F5: variants seen among roughly 807,000 people sequenced by gnomAD.
F5 encodes activated protein c cofactor.
A neutral mutation model predicts 216.4 loss-of-function variants in F5; 138 were observed. That is an observed-to-expected ratio of 0.64 (90% CI 0.56 to 0.73). The LOEUF is 0.73. Among genes scored for constraint, F5 ranks in the 30% least tolerant of loss-of-function variants. The probability of loss-of-function intolerance (pLI) is 0.00; values close to 1 mark genes in which losing one functional copy is unlikely to be tolerated. For missense variants in F5, 2,403 were observed against 2,674.0 expected, an observed-to-expected ratio of 0.90 and a Z score of 2.24; for synonymous variants, 916 against 930.7, an observed-to-expected ratio of 0.98 and a Z score of 0.29.
intron 13 of F5, among the ~76,000 whole-genome samples, chr1:169,538,486 A>G (rs978511279): frequency 3.3e-5 from 5 of 152,224 alleles, no homozygotes; most frequent in African/African-American, 9.6e-5. Context: ...ACCACAAAAA[A>G]GTATGTGAGG....
chr1:169,557,129 A>G lies in F5; in HGVS notation c.731-262T>C, dbSNP rs4656689. Among the ~76,000 whole-genome samples, 90,905 of 152,152 alleles carry G rather than the reference A, an allele frequency of 0.6. 28,602 individuals carry two copies. Among genetic ancestry groups the G allele is most frequent in the East Asian group, 0.87 (4,511 of 5,172 alleles). On this transcript the variant is annotated intron_variant, in intron 5 of 24. Coordinates refer to ENST00000367797, the MANE Select transcript of F5 (RefSeq NM_000130.5). The stretch of plus-strand genomic sequence containing the variant: ...CTTAGAGATGGTGGATGTGAACTCA[A>G]AAACACAGGGATTGCTAAAGGATTA...
intron 3 of F5, among the ~76,000 whole-genome samples, chr1:169,567,433 G>A (rs938977212): frequency 6.6e-6 from 1 of 151,780 alleles, no homozygotes; most frequent in Admixed American, 6.6e-5. Flanking sequence ...CACACTGGAG[G>A]TTAGATTTCA....
intron 6 of F5, 56 bp from the exon 7 acceptor site, chr1:169,555,403 T>C: frequency 6.5e-7 from 1 of 1,534,452 alleles, no homozygotes; most frequent in Non-Finnish European, 9.0e-7. Context: ...TATGGTTGAT[T>C]GAAATGCATA....
intron 3 of F5, among the ~76,000 whole-genome samples, chr1:169,569,189 A>C (rs1660671090): frequency 6.6e-6 from 1 of 152,106 alleles, no homozygotes. Context: ...AAGTGAAAAA[A>C]TGTAATCACC....
rs199697618 is a variant in F5, at chr1:169,543,138, G to A, written c.1976-24C>T. ...TCCTACAGAAGAGAGACAGACAGAA[G>A]AGAGATCTGGAAGTCTGGGAAAAGA... On this transcript the variant is annotated intron_variant, in intron 12 of 24. Transcript: ENST00000367797. 44 of 1,603,032 alleles carry A rather than the reference G, an allele frequency of 2.7e-5. No individual in the cohort carries two copies. The African/African-American group carries it at 4.5e-4, about 17-fold the overall frequency.
At chr1:169,567,947 C>T (rs1296318241) in intron 3 of F5, among the ~76,000 whole-genome samples, 1 of 152,126 alleles carries the variant, frequency 6.6e-6, no homozygotes, top group Non-Finnish European at 1.5e-5. Flanking sequence ...GATGCTATAA[C>T]ACTTGTGCTA....
chr1:169,582,424 G>A lies in F5; in HGVS notation c.250+7C>T, dbSNP rs774297327. On this transcript the variant is annotated splice_region_variant and intron_variant, in intron 2 of 24. Coordinates refer to ENST00000367797, the MANE Select transcript of F5 (RefSeq NM_000130.5). ...TTTAAAATTAAAAAAGTATATTTCA[G>A]GCTTACCTGAAATGGTAGATTGTGG... 5 of 1,458,338 alleles carry A rather than the reference G, an allele frequency of 3.4e-6. No homozygotes were observed. The highest frequency in any genetic ancestry group is 4.8e-6 in the Non-Finnish European group (5 of 1,047,040). 90.3% of individuals were successfully genotyped at this position (1,458,338 alleles called of 1,614,324 possible). A position where few individuals can be genotyped will look rare whatever the true frequency, so the allele number is the denominator to read the frequency against.
chr1:169,560,494 A>G, intron 4 of F5, 60 bp downstream of exon 4: 2 of 1,543,718 alleles, frequency 1.3e-6, no homozygotes, highest in Non-Finnish European at 1.8e-6. Flanking sequence ...TTGTCCCATG[A>G]CAGAACTCCT....
chr1:169,539,461 G>A (rs1659780639), intron 13 of F5, among the ~76,000 whole-genome samples: 1 of 134,714 alleles, frequency 7.4e-6, no homozygotes, highest in South Asian at 2.2e-4. Flanking sequence ...AAATACTCAG[G>A]TAGCTAGTTG....
intron 5 of F5, among the ~76,000 whole-genome samples, chr1:169,558,511 T>C (rs891889175): frequency 2.6e-5 from 4 of 152,210 alleles, no homozygotes; most frequent in African/African-American, 9.6e-5. Flanking sequence ...AGTGGCATTT[T>C]AATTTTTTAA....
chr1:169,545,692 A>G (rs9332590), intron 11 of F5, among the ~76,000 whole-genome samples: 48,711 of 152,090 alleles, frequency 0.32, 8,791 homozygotes, highest in Non-Finnish European at 0.42. Flanking sequence ...CCTAGCTGTC[A>G]GTCATCTGAA....
Position 169,560,665 on chromosome 1 carries a change from C to T in F5, c.475G>A (p.Gly159Arg). 4 of 1,613,724 alleles carry T rather than the reference C, an allele frequency of 2.5e-6. No homozygotes were observed. The highest frequency in any genetic ancestry group is 3.4e-6 in the Non-Finnish European group (4 of 1,179,808). The change falls in exon 4 of 25, where the codon GGA (glycine) becomes AGA (arginine). Residue 159 changes from glycine to arginine, a missense_variant. Around this residue, in one of 4 missense-constraint regions of F5, gnomAD observed 1,425 missense variants for 1,554.8 expected, o/e 0.92. Coordinates refer to ENST00000367797, the MANE Select transcript of F5 (RefSeq NM_000130.5). ...CATGGAGGGTCATCATGGGTGGGTCCACTGTCCTCACTGATACTCCATTCA... is the reference window on the plus strand; with the variant it reads ...CATGGAGGGTCATCATGGGTGGGTCTACTGTCCTCACTGATACTCCATTCA... ...TYEWSISEDS[G>R]PTHDDPPCLT... is the part of the protein sequence containing the mutation.
chr1:169,524,048 G>A, intron 19 of F5, 144 bp from the exon 20 acceptor site: 1 of 707,088 alleles, frequency 1.4e-6, no homozygotes, highest in Admixed American at 2.2e-5. Flanking sequence ...CAGCTACTAG[G>A]CCAGTCCTTG....
rs1659818863 is a variant in F5 at position 169,540,843 on chromosome 1, C to A, written c.4247G>T (p.Gly1416Val). The A allele has an allele frequency of 6.2e-7, 1 of 1,611,666 alleles. No homozygotes were observed. Residue 1416 changes from glycine to valine, a missense_variant, in exon 13 of 25, where the codon GGT becomes GTT. This residue lies in a region of F5 where 293 missense variants were observed against 270.8 expected (regional missense o/e 1.08). Coordinates refer to ENST00000367797, the MANE Select transcript of F5 (RefSeq NM_000130.5). ...AAAGTTTGGGGAAAGATCTGTCTCA[C>A]CAAGGTCTGGAGAAAGTGTCATCTG... is the stretch of plus-strand genomic sequence containing the variant. The part of the protein sequence containing the change: ...LDQMTLSPDL[G>V]ETDLSPNFGQ...
At chr1:169,538,482 A>G (rs1424094418) in intron 13 of F5, among the ~76,000 whole-genome samples, 2 of 152,216 alleles carry the variant, frequency 1.3e-5, no homozygotes, top group African/African-American at 4.8e-5. Flanking sequence ...TCTAACCACA[A>G]AAAAGTATGT....
chr1:169,557,185 C>A (rs1287157818), intron 5 of F5, among the ~76,000 whole-genome samples: 1 of 152,200 alleles, frequency 6.6e-6, no homozygotes, highest in Non-Finnish European at 1.5e-5. Context: ...AGGTAACCGA[C>A]TGTTCTGGTC....
Position 169,586,292 on chromosome 1 carries a change from C to T in F5, c.95G>A (p.Arg32Lys). 1 of 1,614,220 alleles carries T rather than the reference C, an allele frequency of 6.2e-7. No individual in the cohort carries two copies. The highest frequency in any genetic ancestry group is 8.5e-7 in the Non-Finnish European group (1 of 1,180,042). ...GSQGTEAAQL[R>K]QFYVAAQGIS... Reference sequence around the variant, plus strand: ...GCCCTGAGCAGCCACGTAGAACTGCCTTAGCTGTGCCGCTTCTGTCCCTTG... The same window carrying T: ...GCCCTGAGCAGCCACGTAGAACTGCTTTAGCTGTGCCGCTTCTGTCCCTTG... Residue 32 changes from arginine (R) to lysine (K), a missense_variant, in exon 1 of 25, where the codon AGG (arginine) becomes AAG (lysine). Arg to Lys is a conservative substitution (Grantham distance 26, BLOSUM62 2). This residue lies in a region of F5 where 1,425 missense variants were observed against 1,554.8 expected (regional missense o/e 0.92). Transcript: ENST00000367797.
Position 169,550,648 on chromosome 1 carries a change from A to G in F5, c.1388T>C (p.Phe463Ser), listed in dbSNP as rs778090584. The G allele has an allele frequency of 2.5e-6, 4 of 1,612,782 alleles. No homozygotes were observed. The East Asian group carries it at 8.9e-5, about 36-fold the overall frequency. The change falls in exon 9 of 25, where the codon TTC (phenylalanine) becomes TCC (serine). Residue 463 changes from phenylalanine (F) to serine (S), a missense_variant. By Grantham distance (155) the Phe-to-Ser change is radical. Transcript: ENST00000367797. ...SPYEDEVNSS[F>S]TSGRNNTMIR... is the part of the protein sequence containing the mutation. ...AAGTGAAAGATTCAAACCTGAGGTG[A>G]AAGAAGAGTTGACTTCATCTTCATA... is the stretch of plus-strand genomic sequence containing the variant.
At position 169,525,994 on chromosome 1, in the gene F5, T is replaced by C. The variant is rs757993119; in HGVS notation, c.5623A>G (p.Lys1875Glu). 2.5e-6 allele frequency: 4 copies of C among 1,612,712 alleles called. No homozygotes were observed. The highest frequency in any genetic ancestry group is 3.3e-5 in the Admixed American group (2 of 59,994). The change falls in exon 18 of 25, where the codon AAG (lysine) becomes GAG (glutamate). Residue 1875 changes from lysine (K) to glutamate (E), a missense_variant. Lys to Glu is a moderately conservative substitution (Grantham distance 56, BLOSUM62 1). This residue lies in a region of F5 where 659 missense variants were observed against 787.9 expected (regional missense o/e 0.84). Coordinates refer to ENST00000367797, the MANE Select transcript of F5 (RefSeq NM_000130.5). ...AGCCACCAGCCAGGTTTTGATGCCT[T>C]CATTTCAAGAGTTTTAAATGAACCT... is the stretch of plus-strand genomic sequence containing the variant. ...LPGSFKTLEM[K>E]ASKPGWWLLN...
Sources: gnomAD v4.1 joint callset for allele counts (sites outside exome capture counted in the v4.1 genomes callset) on GRCh38, gnomAD v4.1.1 for gene constraint, gnomAD v4.1.1 regional missense constraint, MANE v1.5 for transcripts, NCBI Gene and HGNC (gene_info 2026-07-23, HGNC 2026-07-21) for gene names.